Variants in ZSWIM3 observed in about 807,000 individuals in gnomAD.
ZSWIM3 encodes the protein zinc finger SWIM domain-containing protein 3.
A neutral mutation model predicts 47.5 loss-of-function variants in ZSWIM3; 27 were observed. That is an observed-to-expected ratio of 0.57 (90% CI 0.42 to 0.78). ZSWIM3 has a LOEUF of 0.78. Among genes scored for constraint, ZSWIM3 ranks in the 30% least tolerant of loss-of-function variants. The pLI is 0.00. For synonymous variants in ZSWIM3, 333 were observed against 333.9 expected (o/e 1.00, Z 0.03); for missense variants, 689 against 861.3 (o/e 0.80, Z 2.50).
intron 1 of ZSWIM3, among the ~76,000 whole-genome samples, chr20:45,864,600 C>T (rs1379184190): frequency 1.3e-5 from 2 of 152,206 alleles, no homozygotes; most frequent in African/African-American, 4.8e-5. Context: ...ATGTTGCTCA[C>T]GCCTATAATC....
chr20:45,877,989 G>A lies in ZSWIM3; in HGVS notation c.1431G>A (p.Gln477=), dbSNP rs1568750252. Residue 477 remains glutamine (Q), a synonymous_variant, in exon 2 of 2, where the codon CAG becomes CAA. Transcript: ENST00000255152. ...LPAEETKPDA[Q]QVQVQQQSQV... is the part of the protein sequence containing the mutation. ...CAGAAGAGACCAAGCCAGACGCACA[G>A]CAGGTACAGGTACAGCAGCAGTCAC... 3.1e-6 allele frequency: 5 copies of A among 1,614,064 alleles called. No individual in the cohort carries two copies. The highest frequency in any genetic ancestry group is 4.2e-6 in the Non-Finnish European group (5 of 1,180,054).
chr20:45,873,688 CAG>C (rs1986027200), intron 1 of ZSWIM3, among the ~76,000 whole-genome samples: 1 of 152,150 alleles, frequency 6.6e-6, no homozygotes, highest in Non-Finnish European at 1.5e-5. Context: ...AAACTGTATA[CAG>C]AGAGGTGATT....
At chr20:45,867,532 G>C (rs1369660662) in intron 1 of ZSWIM3, among the ~76,000 whole-genome samples, 2 of 152,200 alleles carry the variant, frequency 1.3e-5, no homozygotes, top group East Asian at 3.8e-4. Flanking sequence ...AGGATGTAAA[G>C]CTTTGTGTTC....
At chr20:45,860,369 G>C (rs933551724) in intron 1 of ZSWIM3, among the ~76,000 whole-genome samples, 1 of 151,994 alleles carries the variant, frequency 6.6e-6, no homozygotes, top group African/African-American at 2.4e-5. Context: ...ACAAAAATTA[G>C]CTAGGCGAGG....
At chr20:45,874,128 T>G (rs1986036597) in intron 1 of ZSWIM3, among the ~76,000 whole-genome samples, 1 of 152,152 alleles carries the variant, frequency 6.6e-6, no homozygotes, top group Non-Finnish European at 1.5e-5. Flanking sequence ...ATGCCTGTAA[T>G]CCCAACTACT....
chr20:45,876,040 TTTTTTTG>T (rs919912824), intron 1 of ZSWIM3, among the ~76,000 whole-genome samples: 8 of 149,840 alleles, frequency 5.3e-5, no homozygotes, highest in Non-Finnish European at 1.0e-4. Flanking sequence ...TGTTTTTTTG[TTTTTTTG>T]TTTTTTTGTT....
At chr20:45,871,073 T>G (rs138945875) in intron 1 of ZSWIM3, among the ~76,000 whole-genome samples, 4 of 152,320 alleles carry the variant, frequency 2.6e-5, no homozygotes, top group African/African-American at 9.6e-5. Flanking sequence ...TTATTTTTTT[T>G]CTGTTTCCCT....
chr20:45,864,146 T>G (rs1985776224), intron 1 of ZSWIM3, among the ~76,000 whole-genome samples: 1 of 152,142 alleles, frequency 6.6e-6, no homozygotes, highest in South Asian at 2.1e-4. Context: ...AGGCTAAGTG[T>G]TTACCATGGG....
chr20:45,877,277 A>G lies in ZSWIM3; in HGVS notation c.719A>G (p.Glu240Gly), dbSNP rs1239293407. ...QGHILYAFLV[E>G]NKERESRVVH... Reference sequence around the variant, plus strand: ...CACATCCTCTATGCTTTCTTGGTGGAGAACAAGGAACGAGAAAGTCGAGTG... The same window carrying G: ...CACATCCTCTATGCTTTCTTGGTGGGGAACAAGGAACGAGAAAGTCGAGTG... Residue 240 changes from glutamate (E) to glycine (G), a missense_variant, in exon 2 of 2, where the codon GAG (glutamate) becomes GGG (glycine). Glu to Gly is a moderately conservative substitution (Grantham distance 98, BLOSUM62 -2). Transcript: ENST00000255152. 6.2e-7 allele frequency: 1 copy of G among 1,614,126 alleles called. No individual in the cohort carries two copies. Among genetic ancestry groups the G allele is most frequent in the Non-Finnish European group, 8.5e-7 (1 of 1,180,012 alleles).
chr20:45,878,922 C>T lies in ZSWIM3; in HGVS notation c.*273C>T. Reference sequence around the variant, plus strand: ...GCTGCAAGGTCACCCTCTTCCTCCCCCAGCCCCTGAGATCAGATCTTATTT... The same window carrying T: ...GCTGCAAGGTCACCCTCTTCCTCCCTCAGCCCCTGAGATCAGATCTTATTT... On this transcript the variant is annotated 3_prime_UTR_variant, in exon 2 of 2. Transcript: ENST00000255152. 2.5e-6 allele frequency: 1 copy of T among 406,388 alleles called. No individual in the cohort carries two copies. The allele number at this position is 406,388 out of a possible 1,614,324, so 25.2% of individuals were successfully genotyped here.
intron 1 of ZSWIM3, among the ~76,000 whole-genome samples, chr20:45,862,556 A>G (rs536902665): frequency 9.2e-5 from 14 of 151,632 alleles, no homozygotes; most frequent in Non-Finnish European, 1.9e-4. Flanking sequence ...CAGTGGTGCA[A>G]TCTTGGCTCA....
At chr20:45,875,669 T>A (rs1986074827) in intron 1 of ZSWIM3, among the ~76,000 whole-genome samples, 1 of 148,630 alleles carries the variant, frequency 6.7e-6, no homozygotes, top group Admixed American at 6.7e-5. Flanking sequence ...GCCTGGCTAA[T>A]TTTTTGTATT....
chr20:45,862,732 T>C (rs1003740264), intron 1 of ZSWIM3, among the ~76,000 whole-genome samples: 2 of 152,236 alleles, frequency 1.3e-5, no homozygotes, highest in African/African-American at 4.8e-5. Context: ...CCTCAAGTTA[T>C]ACACCCATCT....
At chr20:45,859,674 G>T (rs1271732074) in intron 1 of ZSWIM3, among the ~76,000 whole-genome samples, 2 of 151,588 alleles carry the variant, frequency 1.3e-5, no homozygotes, top group Admixed American at 6.6e-5. Flanking sequence ...AACAGTGAGG[G>T]ATACCATGTT....
At chr20:45,867,769 G>T (rs1364161842) in intron 1 of ZSWIM3, among the ~76,000 whole-genome samples, 3 of 152,164 alleles carry the variant, frequency 2.0e-5, no homozygotes, top group African/African-American at 4.8e-5. Context: ...TTGAGGGATT[G>T]ATGTTTCTTA....
chr20:45,872,857 G>T, intron 1 of ZSWIM3: 1 of 1,247,710 alleles, frequency 8.0e-7, no homozygotes, highest in African/African-American at 1.5e-5. Flanking sequence ...AACCCCTCCA[G>T]CCTGTTACTG....
chr20:45,871,405 T>G (rs1180367632), intron 1 of ZSWIM3, among the ~76,000 whole-genome samples: 2 of 152,178 alleles, frequency 1.3e-5, no homozygotes, highest in African/African-American at 4.8e-5. Context: ...AGGTGCTCTA[T>G]GAATGTCAAA....
At chr20:45,868,329 C>T (rs1362280811) in intron 1 of ZSWIM3, among the ~76,000 whole-genome samples, 1 of 151,982 alleles carries the variant, frequency 6.6e-6, no homozygotes, top group African/African-American at 2.4e-5. Context: ...TTAAGCCCTT[C>T]GGAAACTTAG....
At chr20:45,870,799 T>C (rs1300477512) in intron 1 of ZSWIM3, among the ~76,000 whole-genome samples, 2 of 152,056 alleles carry the variant, frequency 1.3e-5, no homozygotes, top group Non-Finnish European at 2.9e-5. Context: ...GTTCAAGTGA[T>C]TCTTCTGCCT....
Sources: allele counts gnomAD v4.1 joint callset (sites outside exome capture counted in the v4.1 genomes callset), GRCh38; gene constraint gnomAD v4.1.1; transcripts MANE v1.5; gene names NCBI Gene and HGNC (gene_info 2026-07-23, HGNC 2026-07-21).